The following RUNX2 variants were observed in gnomAD, a reference collection of about 807,000 sequenced individuals.
RUNX2 encodes the protein runt-related transcription factor 2.
A neutral mutation model predicts 51.7 loss-of-function variants in RUNX2; 10 were observed. The ratio of observed to expected loss-of-function variants is 0.19; its 90% CI spans 0.12 to 0.33. The LOEUF (loss-of-function observed/expected upper bound fraction) is 0.33. Ranked by LOEUF, RUNX2 falls within the 10% of genes least tolerant of loss-of-function variation. RUNX2 has a pLI of 1.00. For synonymous variants in RUNX2, 276 were observed against 273.6 expected (o/e 1.01, Z -0.09); for missense variants, 562 against 691.3 (o/e 0.81, Z 2.10).
At chr6:45,504,791 T>G (rs1243104470) in intron 6 of RUNX2, among the ~76,000 whole-genome samples, 1 of 152,170 alleles carries the variant, frequency 6.6e-6, no homozygotes, top group Non-Finnish European at 1.5e-5. Context: ...TTAAGAGGCA[T>G]AGTTCTAAGC....
intron 7 of RUNX2, among the ~76,000 whole-genome samples, chr6:45,538,934 T>TG (rs1047651354): frequency 2.0e-5 from 3 of 152,148 alleles, no homozygotes; most frequent in Non-Finnish European, 4.4e-5. Flanking sequence ...CTTCCTGCAG[T>TG]GGATCTGGTT....
chr6:45,348,034 T>A (rs1392727589), intron 2 of RUNX2, among the ~76,000 whole-genome samples: 1 of 152,062 alleles, frequency 6.6e-6, no homozygotes, highest in Non-Finnish European at 1.5e-5. Context: ...TGTACACATG[T>A]GTGGATATGT....
At chr6:45,378,493 G>T (rs1426116054) in intron 2 of RUNX2, among the ~76,000 whole-genome samples, 4 of 152,126 alleles carry the variant, frequency 2.6e-5, no homozygotes, top group Non-Finnish European at 4.4e-5. Context: ...TTTCTGGGAC[G>T]GCGAAACCAG....
chr6:45,333,272 A>T (rs1787881161), intron 2 of RUNX2, among the ~76,000 whole-genome samples: 1 of 151,642 alleles, frequency 6.6e-6, no homozygotes, highest in South Asian at 2.1e-4. Flanking sequence ...CCTTATTAAA[A>T]GGGAGTTTCC....
intron 2 of RUNX2, among the ~76,000 whole-genome samples, chr6:45,396,629 T>C (rs1797587331): frequency 6.6e-6 from 1 of 152,146 alleles, no homozygotes; most frequent in Non-Finnish European, 1.5e-5. Flanking sequence ...TGCTCTCAAA[T>C]TCCTGGGCTC....
intron 2 of RUNX2, among the ~76,000 whole-genome samples, chr6:45,384,941 T>G (rs1399581283): frequency 6.6e-6 from 1 of 152,078 alleles, no homozygotes; most frequent in East Asian, 1.9e-4. Context: ...TGGCCTCACG[T>G]CATCTTCCTG....
chr6:45,340,272 G>A (rs1415475467), intron 2 of RUNX2, among the ~76,000 whole-genome samples: 1 of 152,042 alleles, frequency 6.6e-6, no homozygotes, highest in Non-Finnish European at 1.5e-5. Flanking sequence ...GAACCAAAGA[G>A]ATTAAGAAAA....
chr6:45,346,792 T>C (rs957646265), intron 2 of RUNX2, among the ~76,000 whole-genome samples: 1 of 152,016 alleles, frequency 6.6e-6, no homozygotes, highest in Non-Finnish European at 1.5e-5. Context: ...GTCTCAAACT[T>C]GACCTCAGGT....
rs36060587 is a variant in RUNX2 at position 45,539,211 on chromosome 6, G to GTTT, written c.1022-5999_1022-5997dup. Among the ~76,000 whole-genome samples, 173 of 150,924 alleles carry GTTT rather than the reference G, an allele frequency of 1.1e-3. 1 individual carries two copies. The highest frequency in any genetic ancestry group is 4.1e-3 in the African/African-American group (169 of 41,082). On this transcript the variant is annotated intron_variant, in intron 7 of 8. Transcript: ENST00000647337. ...GGCTGAATTTTCTGAAAATTGCCAGGTTTTTTTTTCTCTCTCTCTCTCTCT... is the reference window on the plus strand; with the variant it reads ...GGCTGAATTTTCTGAAAATTGCCAGGTTTTTTTTTTTTCTCTCTCTCTCTCTCT...
intron 2 of RUNX2, among the ~76,000 whole-genome samples, chr6:45,375,433 G>C (rs1444172256): frequency 6.6e-6 from 1 of 152,086 alleles, no homozygotes; most frequent in African/African-American, 2.4e-5. Context: ...ACCCATAAAA[G>C]CACCCCATTC....
intron 7 of RUNX2, among the ~76,000 whole-genome samples, chr6:45,523,460 G>A (rs1358964111): frequency 1.3e-5 from 2 of 151,626 alleles, no homozygotes; most frequent in Non-Finnish European, 2.9e-5. Flanking sequence ...TAGTAGAGAC[G>A]GGGTTTCACC....
chr6:45,367,636 A>G (rs1186404080), intron 2 of RUNX2, among the ~76,000 whole-genome samples: 6 of 152,216 alleles, frequency 3.9e-5, no homozygotes, highest in Non-Finnish European at 2.9e-5. Flanking sequence ...AGAACATGTT[A>G]AACTCAAAGA....
At chr6:45,374,726 T>C in intron 2 of RUNX2, among the ~76,000 whole-genome samples, 1 of 152,170 alleles carries the variant, frequency 6.6e-6, no homozygotes, top group Admixed American at 6.5e-5. Context: ...TAGACTACCA[T>C]GCAGTCACCC....
chr6:45,439,669 G>A (rs1181395612), intron 5 of RUNX2, among the ~76,000 whole-genome samples: 12 of 148,338 alleles, frequency 8.1e-5, no homozygotes, highest in Admixed American at 6.7e-4. Flanking sequence ...GTTTGTGTGC[G>A]TGTGTGTGTG....
At chr6:45,488,864 A>G (rs1800366492) in intron 5 of RUNX2, among the ~76,000 whole-genome samples, 1 of 152,202 alleles carries the variant, frequency 6.6e-6, no homozygotes, top group Non-Finnish European at 1.5e-5. Context: ...TCACTGCACT[A>G]TGACAGAGTA....
intron 2 of RUNX2, among the ~76,000 whole-genome samples, chr6:45,375,514 T>C (rs1484174709): frequency 6.6e-6 from 1 of 152,194 alleles, no homozygotes; most frequent in Non-Finnish European, 1.5e-5. Flanking sequence ...GCTCCAGATC[T>C]AACAATTATC....
intron 3 of RUNX2, among the ~76,000 whole-genome samples, chr6:45,425,923 T>C (rs1798370076): frequency 6.6e-6 from 1 of 152,130 alleles, no homozygotes; most frequent in African/African-American, 2.4e-5. Flanking sequence ...TTATTTGTTG[T>C]GAAGTCTGAT....
chr6:45,533,905 T>G (rs1387276815), intron 7 of RUNX2, among the ~76,000 whole-genome samples: 1 of 147,042 alleles, frequency 6.8e-6, no homozygotes, highest in African/African-American at 2.5e-5. Flanking sequence ...TTTTTTTTTT[T>G]TTTTTTGGAG....
chr6:45,344,003 C>G (rs1343572039), intron 2 of RUNX2, among the ~76,000 whole-genome samples: 1 of 152,136 alleles, frequency 6.6e-6, no homozygotes, highest in Non-Finnish European at 1.5e-5. Flanking sequence ...GGTGCCTATT[C>G]CTGTCTTTTT....
Sources: gnomAD v4.1 joint callset for allele counts (sites outside exome capture counted in the v4.1 genomes callset) on GRCh38, gnomAD v4.1.1 for gene constraint, MANE v1.5 for transcripts, NCBI Gene and HGNC (gene_info 2026-07-23, HGNC 2026-07-21) for gene names.